SNU13: variants seen among roughly 807,000 people sequenced by gnomAD.
The protein encoded by SNU13 is small nuclear ribonucleoprotein 13, also known as NHP2-like protein 1.
SNU13 carries 2 observed loss-of-function variants against 12.4 expected under a neutral mutation model. That is an observed-to-expected ratio of 0.16 (90% CI 0.07 to 0.51). The LOEUF is 0.51. Among genes scored for constraint, SNU13 ranks in the 20% least tolerant of loss-of-function variants. The pLI is 0.96. For synonymous variants in SNU13, 68 were observed against 66.5 expected, an observed-to-expected ratio of 1.02 and a Z score of -0.11; for missense variants, 66 against 157.8, an observed-to-expected ratio of 0.42 and a Z score of 3.12.
chr22:41,679,354 C>T lies in SNU13; in HGVS notation c.124+890G>A, dbSNP rs532678244. Reference sequence around the variant, plus strand: ...GGTAGATCACCTGAGATCAGGAGTTCGAGACCAGACTGACCAACATAGTGA... The same window carrying T: ...GGTAGATCACCTGAGATCAGGAGTTTGAGACCAGACTGACCAACATAGTGA... On this transcript the variant is annotated intron_variant, in intron 2 of 2. Coordinates refer to ENST00000401959, the MANE Select transcript of SNU13 (RefSeq NM_001003796.2). Among the ~76,000 whole-genome samples the T allele has an allele frequency of 5.3e-5, 8 of 152,210 alleles. No individual in the cohort carries two copies. The East Asian group carries it at 1.2e-3, about 22-fold the overall frequency.
intron 1 of SNU13, chr22:41,682,251 CTCCT>C (rs2068270041): frequency 3.1e-6 from 4 of 1,278,718 alleles, no homozygotes; most frequent in South Asian, 2.4e-5. Flanking sequence ...CTGCCTTTTC[CTCCT>C]TCCGTTTTTT....
upstream of SNU13, chr22:41,688,981 C>T (rs1182103744): frequency 3.0e-6 from 4 of 1,334,112 alleles, no homozygotes; most frequent in Admixed American, 9.1e-5. Context: ...GGAAACTGGC[C>T]CTGTGTCGAA....
chr22:41,689,656 G>C (rs1011580280), upstream of SNU13, among the ~76,000 whole-genome samples: 2 of 144,464 alleles, frequency 1.4e-5, no homozygotes, highest in African/African-American at 2.6e-5. Flanking sequence ...CTGGGCAACA[G>C]AGTGAGACTC....
chr22:41,675,225 G>A (rs1461845173), intron 2 of SNU13, 30 bp from the exon 3 acceptor site: 2 of 1,605,706 alleles, frequency 1.2e-6, no homozygotes, highest in Non-Finnish European at 1.7e-6. Flanking sequence ...AAGCTAATAG[G>A]TGATGTGGGC....
At chr22:41,681,894 AC>A (rs2068266595) in intron 1 of SNU13, among the ~76,000 whole-genome samples, 1 of 151,498 alleles carries the variant, frequency 6.6e-6, no homozygotes, top group African/African-American at 2.4e-5. Context: ...ATAAATACAC[AC>A]CCATGTAGGG....
upstream of SNU13, among the ~76,000 whole-genome samples, chr22:41,689,776 G>T (rs1263572033): frequency 6.6e-6 from 1 of 151,558 alleles, no homozygotes; most frequent in Non-Finnish European, 1.5e-5. Flanking sequence ...TTGGGAGTTC[G>T]ATACCAGCCT....
chr22:41,688,602 C>T (rs1195238560), intron 1 of SNU13, among the ~76,000 whole-genome samples, 192 bp downstream of exon 1: 2 of 152,194 alleles, frequency 1.3e-5, no homozygotes, highest in Non-Finnish European at 1.5e-5. Flanking sequence ...CCTAAGGTTT[C>T]CTGAGTTCTA....
intron 2 of SNU13, among the ~76,000 whole-genome samples, chr22:41,679,024 AAGGCAG>A (rs2068238334): frequency 6.6e-6 from 1 of 152,212 alleles, no homozygotes; most frequent in Admixed American, 6.5e-5. Context: ...TTGGGAGGCC[AAGGCAG>A]GCAGATTGCC....
rs113676499 is a variant in SNU13, at chr22:41,675,744, C to CT, written c.125-550dup. 6.2e-3 allele frequency among the ~76,000 whole-genome samples: 831 copies of CT among 134,278 alleles called. 2 individuals carry two copies. The highest frequency in any genetic ancestry group is 0.033 in the Middle Eastern group (8 of 246). 88.1% of individuals were successfully genotyped at this position (134,278 alleles called of 152,430 possible). On this transcript the variant is annotated intron_variant, in intron 2 of 2. Coordinates refer to ENST00000401959, the MANE Select transcript of SNU13 (RefSeq NM_001003796.2). ...TCCTAATCTGACAACTTTTTTCTTT[C>CT]TTTTTTTTTTTTTTTTCTTTTTTTG...
At chr22:41,685,610 C>T (rs2068304346) in intron 1 of SNU13, among the ~76,000 whole-genome samples, 1 of 151,474 alleles carries the variant, frequency 6.6e-6, no homozygotes, top group Non-Finnish European at 1.5e-5. Flanking sequence ...CCTCAGCCTC[C>T]CAAAGCGCTG....
intron 1 of SNU13, chr22:41,682,421 G>A (rs1003190190): frequency 2.5e-6 from 4 of 1,612,654 alleles, no homozygotes; most frequent in South Asian, 1.1e-5. Flanking sequence ...CGGTTTGGAC[G>A]GTCTGCTGCC....
At position 41,680,465 on chromosome 22, in the gene SNU13, C is replaced by T. The variant is rs2068253429; in HGVS notation, c.4-101G>A. The T allele has an allele frequency of 1.5e-5, 19 of 1,286,672 alleles. No homozygotes were observed. In the South Asian group the frequency reaches 2.4e-4, roughly 16 times the overall value. The allele number at this position is 1,286,672 out of a possible 1,614,324, so 79.7% of individuals were successfully genotyped here. On this transcript the variant is annotated intron_variant, in intron 1 of 2. Coordinates refer to ENST00000401959, the MANE Select transcript of SNU13 (RefSeq NM_001003796.2). ...CAATTGAGACACAGGGGGCAGCTGC[C>T]CTGCTCCCTAACCCTCAAACACACA...
chr22:41,682,633 G>T (rs939016158), intron 1 of SNU13: 62 of 1,318,224 alleles, frequency 4.7e-5, no homozygotes, highest in Non-Finnish European at 5.9e-5. Context: ...TAAAGGAAGG[G>T]GGTTGGGGGA....
At position 41,674,793 on chromosome 22, in the gene SNU13, A is replaced by G; in HGVS notation, c.*140T>C. The G allele has an allele frequency of 8.2e-7, 1 of 1,212,584 alleles. No homozygotes were observed. The highest frequency in any genetic ancestry group is 1.1e-6 in the Non-Finnish European group (1 of 878,248). 75.1% of individuals were successfully genotyped at this position (1,212,584 alleles called of 1,614,324 possible). A position where few individuals can be genotyped will look rare whatever the true frequency, so the allele number is the denominator to read the frequency against. On this transcript the variant is annotated 3_prime_UTR_variant, in exon 3 of 3. Coordinates refer to ENST00000401959, the MANE Select transcript of SNU13 (RefSeq NM_001003796.2). Reference sequence around the variant, plus strand: ...CCCTGTAAAACAGAACAAAAACAACACAAAAATCCAGAAACCAGATTTAGT... The same window carrying G: ...CCCTGTAAAACAGAACAAAAACAACGCAAAAATCCAGAAACCAGATTTAGT...
At chr22:41,678,425 G>A (rs1440685248) in intron 2 of SNU13, among the ~76,000 whole-genome samples, 1 of 152,104 alleles carries the variant, frequency 6.6e-6, no homozygotes, top group South Asian at 2.1e-4. Context: ...CAATAAATAT[G>A]GCAAGAAAGA....
In SNU13 at chr22:41,674,712, G is replaced by T; in HGVS notation, c.*221C>A. The T allele has an allele frequency of 3.4e-6, 2 of 590,422 alleles. No individual in the cohort carries two copies. The highest frequency in any genetic ancestry group is 2.9e-6 in the Non-Finnish European group (1 of 346,558). The allele number at this position is 590,422 out of a possible 1,614,324, so 36.6% of individuals were successfully genotyped here. On this transcript the variant is annotated 3_prime_UTR_variant, in exon 3 of 3. Coordinates refer to ENST00000401959, the MANE Select transcript of SNU13 (RefSeq NM_001003796.2). Reference sequence around the variant, plus strand: ...GCTCTGAACACTTGTTCCAAAAAGGGAGGATAAAAGGATGAAGGATGGCAG... The same window carrying T: ...GCTCTGAACACTTGTTCCAAAAAGGTAGGATAAAAGGATGAAGGATGGCAG...
intron 1 of SNU13, chr22:41,681,311 A>G (rs1340065067): frequency 6.6e-6 from 1 of 152,236 alleles, no homozygotes; most frequent in African/African-American, 2.4e-5. Flanking sequence ...TATTCAAATT[A>G]AAATTTTCCT....
At chr22:41,676,507 TACCTAATTCTTTTTA>T (rs1198251273) in intron 2 of SNU13, among the ~76,000 whole-genome samples, 5 of 148,012 alleles carry the variant, frequency 3.4e-5, no homozygotes, top group African/African-American at 1.2e-4. Context: ...AAAAAAGAAT[TACCTAATTCTTTTTA>T]ACCTAATTCT....
At position 41,674,271 on chromosome 22, in the gene SNU13, CTG is replaced by C. The variant is rs2068190693; in HGVS notation, c.*660_*661del. 1.3e-5 allele frequency: 2 copies of C among 153,326 alleles called. No homozygotes were observed. The highest frequency in any genetic ancestry group is 3.8e-4 in the East Asian group (2 of 5,196). The allele number at this position is 153,326 out of a possible 1,614,324, so 9.5% of individuals were successfully genotyped here. A position where few individuals can be genotyped will look rare whatever the true frequency, so the allele number is the denominator to read the frequency against. ...CTGCCCCATGGCTCACCCACCCAGG[CTG>C]CCTCCGGAGTCCTGCAGCACATCTC... On this transcript the variant is annotated 3_prime_UTR_variant, in exon 3 of 3. Transcript: ENST00000401959.
Sources: allele counts gnomAD v4.1 joint callset (sites outside exome capture counted in the v4.1 genomes callset), GRCh38; gene constraint gnomAD v4.1.1; transcripts MANE v1.5; gene names NCBI Gene and HGNC (gene_info 2026-07-23, HGNC 2026-07-21).